CLDN16: variants seen among roughly 807,000 people sequenced by gnomAD.
The protein encoded by CLDN16 is claudin-16.
In CLDN16, 13 loss-of-function variants were observed where a neutral mutation model predicts 24.6. That is an observed-to-expected ratio of 0.53 (90% CI 0.34 to 0.84). The LOEUF (loss-of-function observed/expected upper bound fraction) is 0.84. Ranked by LOEUF, CLDN16 falls within the 40% of genes least tolerant of loss-of-function variation. The probability of loss-of-function intolerance (pLI) is 0.01; values close to 1 mark genes in which losing one functional copy is unlikely to be tolerated. For missense variants in CLDN16, 298 were observed against 292.7 expected (o/e 1.02, Z -0.13); for synonymous variants, 116 against 106.7 (o/e 1.09, Z -0.54).
chr3:190,390,876 T>G (rs1408867433), intron 1 of CLDN16, among the ~76,000 whole-genome samples: 2 of 152,106 alleles, frequency 1.3e-5, no homozygotes, highest in Non-Finnish European at 2.9e-5. Context: ...GATTCAAACT[T>G]CTAGGCTCAA....
At chr3:190,327,901 C>T (rs891347359) in intron 1 of CLDN16, among the ~76,000 whole-genome samples, 5 of 152,116 alleles carry the variant, frequency 3.3e-5, no homozygotes, top group Non-Finnish European at 5.9e-5. Flanking sequence ...GTGAATAAAA[C>T]AATTTTGACT....
intron 1 of CLDN16, among the ~76,000 whole-genome samples, chr3:190,341,665 T>C (rs559289525): frequency 6.6e-6 from 1 of 152,344 alleles, no homozygotes; most frequent in African/African-American, 2.4e-5. Context: ...TTCTCATTAG[T>C]TATGCAAATT....
At chr3:190,386,917 T>C (rs1425114), upstream of CLDN16, among the ~76,000 whole-genome samples, 93,076 of 152,090 alleles carry the variant, frequency 0.61, 29,483 homozygotes, top group East Asian at 0.86. Context: ...TTTTAGCCTT[T>C]TATACTGTAT....
At chr3:190,387,875 C>G, upstream of CLDN16, 3 of 559,146 alleles carry the variant, frequency 5.4e-6, no homozygotes, top group South Asian at 6.0e-5. Context: ...GTGTAGCCTT[C>G]TTCCGAGTGG....
intron 1 of CLDN16, among the ~76,000 whole-genome samples, chr3:190,354,511 G>A (rs1717727901): frequency 6.6e-6 from 1 of 151,936 alleles, no homozygotes; most frequent in African/African-American, 2.4e-5. Flanking sequence ...TTCTCTTGAT[G>A]GCAAGACTGG....
At chr3:190,331,151 A>G (rs1361876466) in intron 1 of CLDN16, among the ~76,000 whole-genome samples, 1 of 152,212 alleles carries the variant, frequency 6.6e-6, no homozygotes, top group East Asian at 1.9e-4. Flanking sequence ...GATGAGCATG[A>G]TCTGCTGTCT....
intron 1 of CLDN16, among the ~76,000 whole-genome samples, chr3:190,399,448 G>A (rs1718905438): frequency 6.6e-6 from 1 of 152,148 alleles, no homozygotes; most frequent in Non-Finnish European, 1.5e-5. Context: ...GAAGGTGGAG[G>A]TTGCCGTGAG....
chr3:190,344,548 C>T (rs1717511344), intron 1 of CLDN16, among the ~76,000 whole-genome samples: 1 of 151,526 alleles, frequency 6.6e-6, no homozygotes, highest in African/African-American at 2.4e-5. Context: ...TCTGTAAATG[C>T]ATTTGTATAA....
Position 190,402,440 on chromosome 3 carries a change from G to A in CLDN16, c.217+1G>A, listed in dbSNP as rs1718987504. On this transcript the variant is annotated splice_donor_variant, in intron 2 of 4. Coordinates refer to ENST00000264734, the MANE Select transcript of CLDN16 (RefSeq NM_006580.4). LOFTEE classifies it high-confidence loss of function. ...GATTCCATACTTGCGGAGCATCCCTGTACGTATGCCTTAGAGCTCACTGCT... is the reference window on the plus strand; with the variant it reads ...GATTCCATACTTGCGGAGCATCCCTATACGTATGCCTTAGAGCTCACTGCT... 1.2e-6 allele frequency: 2 copies of A among 1,606,480 alleles called. No individual in the cohort carries two copies. Among genetic ancestry groups the A allele is most frequent in the Non-Finnish European group, 8.5e-7 (1 of 1,173,268 alleles).
intron 3 of CLDN16, among the ~76,000 whole-genome samples, chr3:190,408,053 G>A (rs766721393): frequency 1.4e-4 from 21 of 152,076 alleles, no homozygotes; most frequent in Non-Finnish European, 2.9e-4. Flanking sequence ...GATGAATTTC[G>A]ATTTACACAG....
intron 1 of CLDN16, among the ~76,000 whole-genome samples, chr3:190,336,896 G>A (rs1026294266): frequency 6.6e-6 from 1 of 152,172 alleles, no homozygotes; most frequent in Non-Finnish European, 1.5e-5. Flanking sequence ...GTTACAGAAT[G>A]GATCACCCTT....
At chr3:190,393,200 C>T (rs770606708) in intron 1 of CLDN16, among the ~76,000 whole-genome samples, 1 of 152,148 alleles carries the variant, frequency 6.6e-6, no homozygotes, top group Non-Finnish European at 1.5e-5. Context: ...TGATGTTACT[C>T]ACCAAGAGTT....
chr3:190,318,156 C>T (rs1364606832), upstream of CLDN16, among the ~76,000 whole-genome samples: 1 of 152,142 alleles, frequency 6.6e-6, no homozygotes, highest in Non-Finnish European at 1.5e-5. Context: ...CAGATGTGAA[C>T]TCAGAACATA....
At chr3:190,322,741 A>G in intron 1 of CLDN16, 1 of 159,664 alleles carries the variant, frequency 6.3e-6, no homozygotes, top group Non-Finnish European at 1.4e-5. Context: ...ATCCTAACAC[A>G]AAGATGAAAA....
intron 1 of CLDN16, among the ~76,000 whole-genome samples, chr3:190,392,759 C>T (rs571727095): frequency 3.9e-5 from 6 of 152,130 alleles, no homozygotes; most frequent in African/African-American, 7.2e-5. Flanking sequence ...TGTATGTTTG[C>T]GGTATTTTGT....
the CLDN16 span, chr3:190,310,270 C>G: frequency 1.9e-6 from 3 of 1,594,860 alleles, no homozygotes; most frequent in Non-Finnish European, 2.6e-6. Flanking sequence ...AAATTCAAAA[C>G]AAAAGACTGT....
At chr3:190,403,633 C>T (rs111379569) in intron 2 of CLDN16, among the ~76,000 whole-genome samples, 5 of 152,302 alleles carry the variant, frequency 3.3e-5, no homozygotes, top group Admixed American at 2.0e-4. Context: ...TCCCCTGAAC[C>T]TCTATTTCAG....
intron 1 of CLDN16, among the ~76,000 whole-genome samples, chr3:190,391,334 A>G (rs1389381128): frequency 4.6e-5 from 7 of 151,918 alleles, no homozygotes; most frequent in Non-Finnish European, 1.0e-4. Flanking sequence ...TGCTACTCCT[A>G]CTAGAAGAGA....
intron 1 of CLDN16, among the ~76,000 whole-genome samples, chr3:190,328,933 A>G (rs916065015): frequency 3.3e-5 from 5 of 152,168 alleles, no homozygotes; most frequent in African/African-American, 1.2e-4. Flanking sequence ...TGCTATTTCT[A>G]CTTTGTTCAT....
Sources: gnomAD v4.1 joint callset for allele counts (sites outside exome capture counted in the v4.1 genomes callset) on GRCh38, gnomAD v4.1.1 for gene constraint, MANE v1.5 for transcripts, NCBI Gene and HGNC (gene_info 2026-07-23, HGNC 2026-07-21) for gene names.